Variants in ZC3HAV1 observed in about 807,000 individuals in gnomAD.
ZC3HAV1 encodes the protein zinc finger CCCH-type containing, antiviral 1.
In ZC3HAV1, 41 loss-of-function variants were observed where a neutral mutation model predicts 86.6. That is an observed-to-expected ratio of 0.47 (90% CI 0.37 to 0.61). The LOEUF (loss-of-function observed/expected upper bound fraction) is 0.61, where lower values mean the gene tolerates loss of function less well. Among genes scored for constraint, ZC3HAV1 ranks in the 20% least tolerant of loss-of-function variants. ZC3HAV1 has a pLI of 0.00. For synonymous variants in ZC3HAV1, 421 were observed against 432.1 expected (o/e 0.97, Z 0.32); for missense variants, 964 against 1,141.1 (o/e 0.84, Z 2.24).
At chr7:139,076,129 C>G (rs749099191) in intron 6 of ZC3HAV1, among the ~76,000 whole-genome samples, 157 bp downstream of exon 6, 1 of 152,212 alleles carries the variant, frequency 6.6e-6, no homozygotes, top group Admixed American at 6.5e-5. Context: ...TTCATTAACT[C>G]GGCAGGCATT....
chr7:139,060,728 AT>A, intron 9 of ZC3HAV1: 1 of 1,189,672 alleles, frequency 8.4e-7, no homozygotes, highest in African/African-American at 1.6e-5. Context: ...AGTATATATG[AT>A]TATTCCTTAG....
intron 1 of ZC3HAV1, among the ~76,000 whole-genome samples, chr7:139,099,937 A>AAATAAATG (rs1817701812): frequency 6.6e-6 from 1 of 151,900 alleles, no homozygotes. Context: ...ATAAATAAAT[A>AAATAAATG]AATAAACCTC....
chr7:139,077,539 T>C (rs1816988901), intron 5 of ZC3HAV1, among the ~76,000 whole-genome samples: 2 of 152,064 alleles, frequency 1.3e-5, no homozygotes, highest in African/African-American at 2.4e-5. Context: ...CCACCATGCC[T>C]GGCATTTTAT....
rs941537186 is a variant in ZC3HAV1, at chr7:139,109,442, C to G, written c.-111G>C. 1 of 1,362,458 alleles carries G rather than the reference C, an allele frequency of 7.3e-7. No individual in the cohort carries two copies. Among genetic ancestry groups the G allele is most frequent in the African/African-American group, 1.5e-5 (1 of 67,438 alleles). The allele number at this position is 1,362,458 out of a possible 1,614,324, so 84.4% of individuals were successfully genotyped here. On this transcript the variant is annotated 5_prime_UTR_variant, in exon 1 of 13. Transcript: ENST00000242351. ...GGGCGCGGGCGGTGCTACTGCTGGG[C>G]GCGCCCGGAGTCAGCGAGGGCGCGC...
chr7:139,087,109 C>T (rs777393305), intron 2 of ZC3HAV1, among the ~76,000 whole-genome samples: 6 of 152,124 alleles, frequency 3.9e-5, no homozygotes, highest in East Asian at 1.9e-4. Context: ...TCTAAGCCTC[C>T]GGGTTAACAC....
chr7:139,078,193 T>C (rs1817011168), intron 5 of ZC3HAV1, among the ~76,000 whole-genome samples: 1 of 152,146 alleles, frequency 6.6e-6, no homozygotes. Flanking sequence ...GAGCTGAGAT[T>C]ACACCACTGC....
chr7:139,101,136 C>T (rs1322288097), intron 1 of ZC3HAV1, among the ~76,000 whole-genome samples: 1 of 152,168 alleles, frequency 6.6e-6, no homozygotes, highest in Non-Finnish European at 1.5e-5. Flanking sequence ...GGGTCTTGCT[C>T]ACTCAGTGCT....
At chr7:139,078,042 C>T (rs1006571479) in intron 5 of ZC3HAV1, among the ~76,000 whole-genome samples, 16 of 152,166 alleles carry the variant, frequency 1.1e-4, no homozygotes, top group Non-Finnish European at 2.1e-4. Context: ...AGTTCAAGAC[C>T]AGCCTGGCCA....
chr7:139,095,564 A>G (rs1817560507), intron 1 of ZC3HAV1, among the ~76,000 whole-genome samples: 1 of 152,236 alleles, frequency 6.6e-6, no homozygotes, highest in East Asian at 1.9e-4. Flanking sequence ...CCGAGGAGGA[A>G]GAGGAAAGCA....
chr7:139,047,372 G>T lies in ZC3HAV1; in HGVS notation c.*222C>A. The T allele has an allele frequency of 2.1e-6, 1 of 487,602 alleles. No homozygotes were observed. Among genetic ancestry groups the T allele is most frequent in the Non-Finnish European group, 3.5e-6 (1 of 282,430 alleles). 30.2% of individuals were successfully genotyped at this position (487,602 alleles called of 1,614,324 possible). On this transcript the variant is annotated 3_prime_UTR_variant, in exon 13 of 13. Coordinates refer to ENST00000242351, the MANE Select transcript of ZC3HAV1 (RefSeq NM_020119.4). ...AAAAATACAACTGCCTGGCGCTGAC[G>T]CCCAGAAATGATTTCATTGGCATGG... is the stretch of plus-strand genomic sequence containing the variant.
chr7:139,052,013 A>G (rs1337695971), intron 12 of ZC3HAV1, among the ~76,000 whole-genome samples: 1 of 152,048 alleles, frequency 6.6e-6, no homozygotes, highest in Admixed American at 6.6e-5. Context: ...TATGAAGTTA[A>G]TTCCCTCAAA....
chr7:139,044,370 A>G lies in ZC3HAV1; in HGVS notation c.*3224T>C, dbSNP rs1052976207. 1.3e-5 allele frequency: 2 copies of G among 152,188 alleles called. No individual in the cohort carries two copies. Among genetic ancestry groups the G allele is most frequent in the African/African-American group, 2.4e-5 (1 of 41,448 alleles). The allele number at this position is 152,188 out of a possible 1,614,324, so 9.4% of individuals were successfully genotyped here. ...CTACTCATTACAAGGAAGAGTAAAC[A>G]TCTGTCTGTTTCAAACAGCGTAGTC... is the stretch of plus-strand genomic sequence containing the variant. On this transcript the variant is annotated 3_prime_UTR_variant, in exon 13 of 13. Transcript: ENST00000242351.
chr7:139,080,078 G>T lies in ZC3HAV1; in HGVS notation c.863C>A (p.Ala288Glu). ...QISHRASLEDAPVDDLTRKFT... is the reference protein window; with the variant it reads ...QISHRASLEDEPVDDLTRKFT... ...CTTGCGGGTGAGATCGTCCACAGGC[G>T]CGTCCTCCAGGGAAGCCCTGTGGCT... The change falls in exon 4 of 13, where the codon GCG becomes GAG. Residue 288 changes from alanine to glutamate, a missense_variant. Physicochemically the swap from Ala to Glu is moderately radical, Grantham distance 107. Coordinates refer to ENST00000242351, the MANE Select transcript of ZC3HAV1 (RefSeq NM_020119.4). 1 of 1,614,156 alleles carries T rather than the reference G, an allele frequency of 6.2e-7. No homozygotes were observed. The highest frequency in any genetic ancestry group is 8.5e-7 in the Non-Finnish European group (1 of 1,180,038).
In ZC3HAV1 at chr7:139,083,996, T is replaced by A; in HGVS notation, c.481A>T (p.Ile161Phe). The change falls in exon 3 of 13, where the codon ATT (isoleucine) becomes TTT (phenylalanine). Residue 161 changes from isoleucine (I) to phenylalanine (F), a missense_variant. Ile to Phe is a conservative substitution (Grantham distance 21, BLOSUM62 0). Transcript: ENST00000242351. ...KSYKGEGRQQ[I>F]CNQQPPCSRL... ...GAACACGGTGGCTGCTGGTTACAAA[T>A]CTGCTGCCGACCCTCTCCCTTATAA... is the stretch of plus-strand genomic sequence containing the variant. 6.2e-7 allele frequency: 1 copy of A among 1,614,080 alleles called. No homozygotes were observed. The highest frequency in any genetic ancestry group is 8.5e-7 in the Non-Finnish European group (1 of 1,180,016).
chr7:139,109,321 G>A lies in ZC3HAV1; in HGVS notation c.11C>T (p.Pro4Leu). The change falls in exon 1 of 13, where the codon CCG becomes CTG. Residue 4 changes from proline (P) to leucine (L), a missense_variant. By Grantham distance (98) the Pro-to-Leu change is moderately conservative. Coordinates refer to ENST00000242351, the MANE Select transcript of ZC3HAV1 (RefSeq NM_020119.4). ...TTTGGTGATGAAGCAGCACACCTCC[G>A]GGTCCGCCATGGCGCGCTGGCTGTG... The part of the protein sequence containing the change: MAD[P>L]EVCCFITKIL... 1 of 1,591,462 alleles carries A rather than the reference G, an allele frequency of 6.3e-7. No homozygotes were observed.
rs1584830061 is a variant in ZC3HAV1 at position 139,045,493 on chromosome 7, G to A, written c.*2101C>T. On this transcript the variant is annotated 3_prime_UTR_variant, in exon 13 of 13. Coordinates refer to ENST00000242351, the MANE Select transcript of ZC3HAV1 (RefSeq NM_020119.4). ...GAAAACACAGCAAACAACTTAGAAG[G>A]GAACAGAGATATTTAAGAGGTAAAA... is the stretch of plus-strand genomic sequence containing the variant. 2 of 152,222 alleles carry A rather than the reference G, an allele frequency of 1.3e-5. No individual in the cohort carries two copies. Among genetic ancestry groups the A allele is most frequent in the South Asian group, 4.1e-4 (2 of 4,822 alleles). The allele number at this position is 152,222 out of a possible 1,614,324, so 9.4% of individuals were successfully genotyped here. A position where few individuals can be genotyped will look rare whatever the true frequency, so the allele number is the denominator to read the frequency against.
At chr7:139,074,509 A>G (rs1816876516) in intron 6 of ZC3HAV1, among the ~76,000 whole-genome samples, 1 of 152,178 alleles carries the variant, frequency 6.6e-6, no homozygotes, top group African/African-American at 2.4e-5. Flanking sequence ...CAGAGGCTAC[A>G]CAATATATGA....
intron 12 of ZC3HAV1, 106 bp from the exon 13 acceptor site, chr7:139,047,959 A>T (rs746402853): frequency 1.0e-4 from 114 of 1,133,494 alleles, no homozygotes; most frequent in Non-Finnish European, 1.3e-4. Flanking sequence ...GCATATGTCA[A>T]TAATACCTTA....
rs1815965505 is a variant in ZC3HAV1 at position 139,046,749 on chromosome 7, C to G, written c.*845G>C. On this transcript the variant is annotated 3_prime_UTR_variant, in exon 13 of 13. Coordinates refer to ENST00000242351, the MANE Select transcript of ZC3HAV1 (RefSeq NM_020119.4). The stretch of plus-strand genomic sequence containing the variant: ...CACTTCAATTTTACTTTTTTTTCCC[C>G]TAGCATGTCCTTAAGCATTTTCTCC... 6.6e-6 allele frequency: 1 copy of G among 152,150 alleles called. No homozygotes were observed. Among genetic ancestry groups the G allele is most frequent in the African/African-American group, 2.4e-5 (1 of 41,434 alleles). The allele number at this position is 152,150 out of a possible 1,614,324, so 9.4% of individuals were successfully genotyped here.
Sources: gnomAD v4.1 joint callset for allele counts (sites outside exome capture counted in the v4.1 genomes callset) on GRCh38, gnomAD v4.1.1 for gene constraint, MANE v1.5 for transcripts, NCBI Gene and HGNC (gene_info 2026-07-23, HGNC 2026-07-21) for gene names.